GPHN: variants seen among roughly 807,000 people sequenced by gnomAD.
GPHN encodes gephyrin.
In GPHN, 17 loss-of-function variants were observed where a neutral mutation model predicts 95.5. That is an observed-to-expected ratio of 0.18 (90% CI 0.12 to 0.27). GPHN has a LOEUF of 0.27. GPHN is among the 10% of genes least tolerant of loss of function. The pLI is 1.00. For synonymous variants in GPHN, 320 were observed against 322.5 expected (o/e 0.99, Z 0.08); for missense variants, 660 against 978.1 (o/e 0.67, Z 4.34).
chr14:67,352,389 G>A, the GPHN span, among the ~76,000 whole-genome samples: 2 of 150,850 alleles, frequency 1.3e-5, no homozygotes, highest in Non-Finnish European at 3.0e-5. Flanking sequence ...GAGGATCACT[G>A]GAGCCCAGTT....
At chr14:66,999,885 A>T (rs984623283) in intron 9 of GPHN, among the ~76,000 whole-genome samples, 3 of 151,850 alleles carry the variant, frequency 2.0e-5, no homozygotes, top group Admixed American at 6.6e-5. Context: ...TTGTAACACA[A>T]TATCTAACCC....
chr14:66,817,243 A>ATATT (rs111319332), intron 3 of GPHN, among the ~76,000 whole-genome samples: 2,376 of 152,188 alleles, frequency 0.016, 31 homozygotes, highest in Non-Finnish European at 0.018. Context: ...ATACATATAT[A>ATATT]TATGACACAT....
At chr14:67,337,728 G>A in the GPHN span, 1 of 152,152 alleles carries the variant, frequency 6.6e-6, no homozygotes. Flanking sequence ...GACACCTGAT[G>A]TGGCCACTCA....
the GPHN span, among the ~76,000 whole-genome samples, chr14:67,489,465 T>C: frequency 2.2e-3 from 339 of 152,348 alleles, 2 homozygotes; most frequent in African/African-American, 7.7e-3. Flanking sequence ...TTCTGGTCAA[T>C]ATGCCTGAGA....
At chr14:66,950,121 T>C (rs1346395617) in intron 8 of GPHN, among the ~76,000 whole-genome samples, 1 of 152,014 alleles carries the variant, frequency 6.6e-6, no homozygotes, top group Non-Finnish European at 1.5e-5. Context: ...ACAGTCAAAA[T>C]TACATTGCAT....
intron 1 of GPHN, among the ~76,000 whole-genome samples, chr14:66,662,037 T>C (rs2065689133): frequency 6.6e-6 from 1 of 152,102 alleles, no homozygotes. Context: ...ACAGAGCTCC[T>C]AGAGGGAGGA....
chr14:66,694,112 C>T (rs1336614409), intron 2 of GPHN, among the ~76,000 whole-genome samples: 3 of 152,006 alleles, frequency 2.0e-5, no homozygotes, highest in East Asian at 1.9e-4. Flanking sequence ...GCTTAACCCC[C>T]GATGTGAGGG....
At chr14:67,685,063 T>G in the GPHN span, 1 of 1,614,170 alleles carries the variant, frequency 6.2e-7, no homozygotes, top group Non-Finnish European at 8.5e-7. Context: ...TAAGGCACAG[T>G]GCAGGCTGGT....
chr14:66,584,296 A>G (rs572779632), intron 1 of GPHN, among the ~76,000 whole-genome samples: 389 of 152,224 alleles, frequency 2.6e-3, no homozygotes, highest in African/African-American at 7.6e-3. Context: ...GGCTGAGACG[A>G]TGGGGTTTTC....
At chr14:67,170,003 G>C (rs140388706) in intron 21 of GPHN, among the ~76,000 whole-genome samples, 1 of 152,088 alleles carries the variant, frequency 6.6e-6, no homozygotes, top group African/African-American at 2.4e-5. Flanking sequence ...GCTTGAACCC[G>C]GGAGGCGGAG....
the GPHN span, among the ~76,000 whole-genome samples, chr14:67,429,251 GAC>G: frequency 1.4e-5 from 2 of 144,834 alleles, no homozygotes; most frequent in African/African-American, 5.2e-5. Flanking sequence ...TTTTTTTTGA[GAC>G]AGAGTCTCAC....
At chr14:67,734,381 A>G in the GPHN span, 1 of 155,656 alleles carries the variant, frequency 6.4e-6, no homozygotes, top group Admixed American at 6.2e-5. Context: ...AATCATGCAG[A>G]TGGTTTCTTT....
chr14:66,961,921 TATATATATATATATATATATATATATAC>T (rs1376197877), intron 8 of GPHN, among the ~76,000 whole-genome samples: 3 of 64,642 alleles, frequency 4.6e-5, no homozygotes, highest in African/African-American at 3.5e-4. Context: ...TATATATATA[TATATATATATATATATATATATATATAC>T]ACATATCTCC....
In GPHN at chr14:67,101,847, G is replaced by GTTT. The variant is rs1247298212; in HGVS notation, c.1293+937_1293+938insTTT. On this transcript the variant is annotated intron_variant, in intron 13 of 22. Coordinates refer to ENST00000478722, the MANE Select transcript of GPHN (RefSeq NM_020806.5). ...AAAATAACATATATCATTGGTTTAT[G>GTTT]TATTATTTATTTATTTATTTATTTA... Among the ~76,000 whole-genome samples the GTTT allele has an allele frequency of 3.7e-5, 5 of 133,942 alleles. No individual in the cohort carries two copies. The East Asian group carries it at 6.4e-4, about 17-fold the overall frequency. 87.9% of individuals were successfully genotyped at this position (133,942 alleles called of 152,430 possible). A position where few individuals can be genotyped will look rare whatever the true frequency, so the allele number is the denominator to read the frequency against.
the GPHN span, among the ~76,000 whole-genome samples, chr14:67,339,282 C>T: frequency 1.3e-5 from 2 of 152,116 alleles, no homozygotes; most frequent in African/African-American, 4.8e-5. Flanking sequence ...CAGGCATGAG[C>T]CACCGAGCCC....
At chr14:66,553,451 T>G (rs539595417) in intron 1 of GPHN, among the ~76,000 whole-genome samples, 1 of 152,322 alleles carries the variant, frequency 6.6e-6, no homozygotes, top group East Asian at 1.9e-4. Context: ...GAAGCTTCAT[T>G]TATTTCTCTT....
rs186046653 is a variant in GPHN, at chr14:66,977,160, G to C, written c.963+11835G>C. Among the ~76,000 whole-genome samples the C allele has an allele frequency of 9.6e-3, 1,465 of 152,200 alleles. 73 individuals are homozygous for C. Among genetic ancestry groups the C allele is most frequent in the Admixed American group, 0.089 (1,357 of 15,292 alleles). On this transcript the variant is annotated intron_variant, in intron 9 of 22. Coordinates refer to ENST00000478722, the MANE Select transcript of GPHN (RefSeq NM_020806.5). ...TAAAAAGTATATACAGGCCGGGCGC[G>C]GTGGCTCATGCCTGTAATCCCAGTA...
At chr14:67,147,467 CT>C (rs1486142728) in intron 18 of GPHN, among the ~76,000 whole-genome samples, 1 of 152,130 alleles carries the variant, frequency 6.6e-6, no homozygotes, top group African/African-American at 2.4e-5. Flanking sequence ...GTGACATTCT[CT>C]TTTGAGATAC....
intron 18 of GPHN, among the ~76,000 whole-genome samples, chr14:67,156,705 G>A (rs1232314916): frequency 6.6e-6 from 1 of 152,020 alleles, no homozygotes; most frequent in East Asian, 1.9e-4. Flanking sequence ...GGCCAGGTGC[G>A]GTGGCTCATG....
Sources: allele counts gnomAD v4.1 joint callset (sites outside exome capture counted in the v4.1 genomes callset), GRCh38; gene constraint gnomAD v4.1.1; transcripts MANE v1.5; gene names NCBI Gene and HGNC (gene_info 2026-07-23, HGNC 2026-07-21).